U2SURP: variants seen among roughly 807,000 people sequenced by gnomAD.
U2SURP encodes the protein U2 snRNP associated SURP domain containing, also known as U2 snRNP-associated SURP motif-containing protein.
Under a neutral mutation model 144.9 loss-of-function variants are expected in U2SURP, and 9 were observed. The ratio of observed to expected loss-of-function variants is 0.06; its 90% CI spans 0.04 to 0.11. U2SURP has a LOEUF of 0.11. U2SURP is among the 10% of genes least tolerant of loss of function. The probability of loss-of-function intolerance (pLI) is 1.00; values close to 1 mark genes in which losing one functional copy is unlikely to be tolerated. For missense variants in U2SURP, 724 were observed against 1,226.7 expected (o/e 0.59, Z 6.12); for synonymous variants, 408 against 396.8 (o/e 1.03, Z -0.33).
Position 143,037,229 on chromosome 3 carries a change from T to C in U2SURP, c.2115T>C (p.Gly705=). Residue 705 remains glycine (G), a synonymous_variant, in exon 21 of 28, where the codon GGT becomes GGC. Transcript: ENST00000473835. ...DGAPIEEELD[G]APLEDVDGIP... ...CCCCCATCGAGGAAGAGCTTGATGG[T>C]GCACCTCTGGAAGATGTAGATGGAA... 1 of 1,612,694 alleles carries C rather than the reference T, an allele frequency of 6.2e-7. No homozygotes were observed. The highest frequency in any genetic ancestry group is 8.5e-7 in the Non-Finnish European group (1 of 1,179,272).
intron 23 of U2SURP, 46 bp from the exon 24 acceptor site, chr3:143,043,071 C>T (rs375158449): frequency 1.1e-4 from 172 of 1,516,194 alleles, no homozygotes; most frequent in Middle Eastern, 4.8e-4. Context: ...AAATATGGTA[C>T]TCTCTTGCTG....
chr3:143,036,149 G>T (rs762842150), intron 20 of U2SURP, 45 bp downstream of exon 20: 2 of 1,540,750 alleles, frequency 1.3e-6, no homozygotes, highest in East Asian at 4.6e-5. Context: ...ATTCGTTTCT[G>T]GGGTGGAGGT....
intron 21 of U2SURP, among the ~76,000 whole-genome samples, chr3:143,037,584 T>G (rs1933881460): frequency 6.6e-6 from 1 of 152,136 alleles, no homozygotes; most frequent in Non-Finnish European, 1.5e-5. Flanking sequence ...ACAATCAGCC[T>G]CCTATAATAT....
intron 24 of U2SURP, among the ~76,000 whole-genome samples, chr3:143,048,812 G>GAGGTTGCAGTGTGCCA (rs1163346502): frequency 2.0e-5 from 3 of 152,102 alleles, no homozygotes; most frequent in African/African-American, 7.2e-5. Flanking sequence ...CTGGGAGGCG[G>GAGGTTGCAGTGTGCCA]AGGTTGCAGT....
In U2SURP at chr3:143,053,663, T is replaced by TA. The variant is rs1935002355; in HGVS notation, c.2656-7dup. The TA allele has an allele frequency of 3.9e-6, 5 of 1,282,178 alleles. No homozygotes were observed. Among genetic ancestry groups the TA allele is most frequent in the Admixed American group, 2.5e-5 (1 of 40,198 alleles). The allele number at this position is 1,282,178 out of a possible 1,614,324, so 79.4% of individuals were successfully genotyped here. On this transcript the variant is annotated splice_polypyrimidine_tract_variant and intron_variant, in intron 25 of 27. Transcript: ENST00000473835. ...TTTTTAAACAACTTAATATTTTCTA[T>TA]AAAAAATAACAGGAGAAAGAGAAAG...
chr3:143,025,353 A>G (rs1211457776), intron 13 of U2SURP, among the ~76,000 whole-genome samples: 1 of 152,164 alleles, frequency 6.6e-6, no homozygotes, highest in Non-Finnish European at 1.5e-5. Context: ...GAAAGTCTTC[A>G]CTCACCATTA....
chr3:143,047,636 T>A (rs1224491471), intron 24 of U2SURP, among the ~76,000 whole-genome samples: 1 of 24,296 alleles, frequency 4.1e-5, no homozygotes, highest in Non-Finnish European at 6.6e-5. Context: ...TGACCCCCCC[T>A]CCCGCCTCCC....
chr3:143,014,972 A>G (rs1436446990), intron 4 of U2SURP, among the ~76,000 whole-genome samples: 1 of 151,952 alleles, frequency 6.6e-6, no homozygotes, highest in Non-Finnish European at 1.5e-5. Flanking sequence ...CTTATAGGTG[A>G]GATTTGGGAT....
rs1935317384 is a variant in U2SURP at position 143,060,205 on chromosome 3, A to G, written c.*3755A>G. 6.6e-6 allele frequency: 1 copy of G among 152,412 alleles called. No homozygotes were observed. The highest frequency in any genetic ancestry group is 2.4e-5 in the African/African-American group (1 of 41,420). The allele number at this position is 152,412 out of a possible 1,614,324, so 9.4% of individuals were successfully genotyped here. On this transcript the variant is annotated 3_prime_UTR_variant, in exon 28 of 28. Coordinates refer to ENST00000473835, the MANE Select transcript of U2SURP (RefSeq NM_001080415.2). ...TGTCACATGTAATTGTGCTTGGAGT[A>G]TTTGTGTTTTATTCTTTTACTTCAA...
chr3:143,011,248 A>T (rs1347818039), intron 2 of U2SURP, among the ~76,000 whole-genome samples: 1 of 152,124 alleles, frequency 6.6e-6, no homozygotes, highest in African/African-American at 2.4e-5. Context: ...AAGGCATCAT[A>T]ATGTTCTGTG....
intron 25 of U2SURP, among the ~76,000 whole-genome samples, chr3:143,052,603 A>C (rs1419592747): frequency 5.3e-5 from 8 of 152,166 alleles, no homozygotes; most frequent in Non-Finnish European, 1.5e-5. Flanking sequence ...ACCTTGACTT[A>C]GGTATTTTGT....
At chr3:143,035,090 T>G (rs985852973) in intron 19 of U2SURP, 115 bp downstream of exon 19, 11 of 507,380 alleles carry the variant, frequency 2.2e-5, no homozygotes, top group Non-Finnish European at 3.3e-5. Flanking sequence ...AAAACTTAGA[T>G]GTTACAGAAG....
chr3:143,029,692 G>T (rs1211978703), intron 16 of U2SURP, among the ~76,000 whole-genome samples: 1 of 152,198 alleles, frequency 6.6e-6, no homozygotes, highest in Non-Finnish European at 1.5e-5. Flanking sequence ...AAGCTAGAAT[G>T]ATTAAGCTTA....
chr3:143,033,544 C>T (rs571617758), intron 18 of U2SURP, among the ~76,000 whole-genome samples, 194 bp downstream of exon 18: 5 of 152,116 alleles, frequency 3.3e-5, no homozygotes, highest in Middle Eastern at 3.4e-3. Context: ...GTATCTGTAC[C>T]GAACCTGTAC....
intron 6 of U2SURP, 91 bp downstream of exon 6, chr3:143,017,066 G>A (rs752412113): frequency 1.3e-5 from 17 of 1,322,834 alleles, no homozygotes; most frequent in Admixed American, 3.5e-5. Context: ...GCTTTTTTTC[G>A]TTTTTGGTGG....
chr3:143,015,195 TGG>T (rs1936305149), intron 4 of U2SURP, among the ~76,000 whole-genome samples: 1 of 152,140 alleles, frequency 6.6e-6, no homozygotes, highest in Non-Finnish European at 1.5e-5. Context: ...GTTTTACATT[TGG>T]ATTTCTCTCA....
In U2SURP at chr3:143,058,201, G is replaced by A. The variant is rs1220756349; in HGVS notation, c.*1751G>A. On this transcript the variant is annotated 3_prime_UTR_variant, in exon 28 of 28. Coordinates refer to ENST00000473835, the MANE Select transcript of U2SURP (RefSeq NM_001080415.2). ...AACTACCTTTCTTTGCAAAAATAAC[G>A]GTCGTGTCGAGTTGGTGGTGATTTT... 2.0e-5 allele frequency: 3 copies of A among 152,132 alleles called. No homozygotes were observed. Among genetic ancestry groups the A allele is most frequent in the African/African-American group, 4.8e-5 (2 of 41,394 alleles). 9.4% of individuals were successfully genotyped at this position (152,132 alleles called of 1,614,324 possible).
At chr3:143,013,597 A>G (rs929182037) in intron 3 of U2SURP, among the ~76,000 whole-genome samples, 7 of 152,040 alleles carry the variant, frequency 4.6e-5, no homozygotes, top group South Asian at 2.1e-4. Context: ...TAAGTTTATA[A>G]ATCAAATGAG....
In U2SURP at chr3:143,022,837, CATT is replaced by C; in HGVS notation, c.1019-15_1019-13del. 6.5e-7 allele frequency: 1 copy of C among 1,530,978 alleles called. No individual in the cohort carries two copies. 94.8% of individuals were successfully genotyped at this position (1,530,978 alleles called of 1,614,324 possible). A position where few individuals can be genotyped will look rare whatever the true frequency, so the allele number is the denominator to read the frequency against. On this transcript the variant is annotated splice_polypyrimidine_tract_variant and intron_variant, in intron 11 of 27. Transcript: ENST00000473835. The stretch of plus-strand genomic sequence containing the variant: ...TTTGAGAGTTAACAAAATGACCTTT[CATT>C]TCTTTCTTGTAGGAAAAATGATTAT...
Sources: allele counts gnomAD v4.1 joint callset (sites outside exome capture counted in the v4.1 genomes callset), GRCh38; gene constraint gnomAD v4.1.1; transcripts MANE v1.5; gene names NCBI Gene and HGNC (gene_info 2026-07-23, HGNC 2026-07-21).